The following DOCK7 variants were observed in gnomAD, a reference collection of about 807,000 sequenced individuals.
DOCK7 encodes the protein dedicator of cytokinesis 7.
In DOCK7, 138 loss-of-function variants were observed where a neutral mutation model predicts 271.0. The observed-to-expected ratio is 0.51, with a 90% CI of 0.44 to 0.59. DOCK7 has a LOEUF of 0.59. Ranked by LOEUF, DOCK7 falls within the 20% of genes least tolerant of loss-of-function variation. The pLI, the probability that DOCK7 is intolerant of heterozygous loss-of-function variation, is 0.00. For synonymous variants in DOCK7, 823 were observed against 876.1 expected (o/e 0.94, Z 1.07); for missense variants, 2,066 against 2,592.4 (o/e 0.80, Z 4.41).
At chr1:62,578,158 G>C (rs1646994236) in intron 17 of DOCK7, among the ~76,000 whole-genome samples, 1 of 151,598 alleles carries the variant, frequency 6.6e-6, no homozygotes, top group Non-Finnish European at 1.5e-5. Flanking sequence ...AATACTCAAG[G>C]GTTTTAATTT....
At chr1:62,495,503 T>A in intron 39 of DOCK7, 78 bp downstream of exon 39, 1 of 843,982 alleles carries the variant, frequency 1.2e-6, no homozygotes, top group Non-Finnish European at 1.7e-6. Flanking sequence ...TTTGTGTGTT[T>A]ATTTTTTTCA....
intron 22 of DOCK7, among the ~76,000 whole-genome samples, chr1:62,550,704 A>C (rs1384333376): frequency 3.4e-5 from 5 of 146,892 alleles, no homozygotes; most frequent in African/African-American, 1.2e-4. Flanking sequence ...CTGAGGTTTG[A>C]TTATAATGGG....
intron 21 of DOCK7, among the ~76,000 whole-genome samples, chr1:62,553,647 A>G (rs1337947974): frequency 1.3e-5 from 2 of 151,450 alleles, no homozygotes; most frequent in African/African-American, 4.9e-5. Flanking sequence ...AGCACTGGGA[A>G]ATGTTTTTTT....
chr1:62,666,981 T>A (rs557472715), intron 1 of DOCK7, among the ~76,000 whole-genome samples: 1 of 152,334 alleles, frequency 6.6e-6, no homozygotes, highest in Admixed American at 6.5e-5. Flanking sequence ...AAAGAAAGCA[T>A]CCGCTCAGGC....
chr1:62,522,251 T>C (rs1005391624), intron 31 of DOCK7, among the ~76,000 whole-genome samples: 1 of 151,880 alleles, frequency 6.6e-6, no homozygotes, highest in Admixed American at 6.6e-5. Context: ...CTGAAAAGAA[T>C]ATAAGAAAGA....
Position 62,625,415 on chromosome 1 carries a change from A to T in DOCK7, c.1283-14T>A, listed in dbSNP as rs200258912. The T allele has an allele frequency of 7.6e-5, 110 of 1,448,244 alleles. No individual in the cohort carries two copies. The highest frequency in any genetic ancestry group is 9.5e-5 in the Non-Finnish European group (102 of 1,070,964). 89.7% of individuals were successfully genotyped at this position (1,448,244 alleles called of 1,614,324 possible). On this transcript the variant is annotated splice_polypyrimidine_tract_variant and intron_variant, in intron 11 of 49. Transcript: ENST00000635253. ...ACCCTTTTCGTTCTACAAAAGAATT[A>T]AAAAAAAAATTCATTTTCATAGAAG...
At chr1:62,553,312 T>TTATACA (rs1553168302) in intron 21 of DOCK7, among the ~76,000 whole-genome samples, 6 of 20,584 alleles carry the variant, frequency 2.9e-4, no homozygotes, top group African/African-American at 8.0e-4. Context: ...AAAAAGTATT[T>TTATACA]TATATATATA....
chr1:62,664,648 A>G lies in DOCK7; in HGVS notation c.39-1518T>C, dbSNP rs138385943. ...CAATATTGGCTCATCAATTATAACAAATGTACCATACTAAAGCAAGATGCT... is the reference window on the plus strand; with the variant it reads ...CAATATTGGCTCATCAATTATAACAGATGTACCATACTAAAGCAAGATGCT... On this transcript the variant is annotated intron_variant, in intron 1 of 49. Transcript: ENST00000635253. 2.0e-5 allele frequency among the ~76,000 whole-genome samples: 3 copies of G among 152,328 alleles called. No homozygotes were observed. The East Asian group carries it at 5.8e-4, about 29-fold the overall frequency.
chr1:62,455,415 T>C lies in DOCK7; in HGVS notation c.6422A>G (p.Ter2141=), dbSNP rs1202463736. ...ATGAATAAAACAAGTGCATTCAGTT[T>C]AGAGATCCATTTTGCGAAGGCTCAT... ...SRMSLRKMDL[*] Residue 2141 remains the stop codon, a stop_retained_variant, in exon 50 of 50, where the codon TAA becomes TGA. Coordinates refer to ENST00000635253, the MANE Select transcript of DOCK7 (RefSeq NM_001367561.1). The C allele has an allele frequency of 6.2e-7, 1 of 1,613,616 alleles. No individual in the cohort carries two copies. The highest frequency in any genetic ancestry group is 1.7e-5 in the Admixed American group (1 of 60,028).
At chr1:62,629,903 C>T (rs1288877604) in intron 11 of DOCK7, among the ~76,000 whole-genome samples, 3 of 152,192 alleles carry the variant, frequency 2.0e-5, no homozygotes, top group Admixed American at 1.3e-4. Flanking sequence ...AATAAATGTG[C>T]ACTGTACATA....
chr1:62,512,790 G>A (rs909618897), intron 33 of DOCK7, among the ~76,000 whole-genome samples: 7 of 151,850 alleles, frequency 4.6e-5, no homozygotes, highest in African/African-American at 1.5e-4. Flanking sequence ...CAGCTACCAG[G>A]GTAGGTGTGT....
intron 14 of DOCK7, chr1:62,608,365 TCTC>T (rs569853427): frequency 1.1e-3 from 166 of 152,284 alleles, no homozygotes; most frequent in African/African-American, 3.6e-3. Flanking sequence ...CTTTTAAACA[TCTC>T]CTCTATGCCT....
chr1:62,521,111 G>T (rs550240584), intron 31 of DOCK7, among the ~76,000 whole-genome samples: 6 of 152,028 alleles, frequency 3.9e-5, no homozygotes, highest in Non-Finnish European at 5.9e-5. Context: ...AGGGGGTAGG[G>T]GGGTAGGGGA....
intron 8 of DOCK7, 185 bp from the exon 9 acceptor site, chr1:62,635,107 T>TA: frequency 2.5e-6 from 1 of 400,042 alleles, no homozygotes; most frequent in Non-Finnish European, 4.4e-6. Context: ...ATTTTCTTTT[T>TA]AAAAACATTC....
intron 14 of DOCK7, among the ~76,000 whole-genome samples, chr1:62,613,344 C>T (rs1376427762): frequency 4.6e-5 from 7 of 152,120 alleles, no homozygotes; most frequent in South Asian, 2.1e-4. Context: ...TCATCTACCC[C>T]TGTAGAGAAT....
intron 14 of DOCK7, among the ~76,000 whole-genome samples, chr1:62,615,978 G>A (rs544539658): frequency 1.3e-5 from 2 of 151,724 alleles, no homozygotes; most frequent in African/African-American, 4.8e-5. Context: ...ACCACTTCAA[G>A]TGAGAAAGCA....
At chr1:62,578,799 G>C (rs1347740708) in intron 17 of DOCK7, 29 bp downstream of exon 17, 1 of 1,406,218 alleles carries the variant, frequency 7.1e-7, no homozygotes, top group Non-Finnish European at 9.4e-7. Flanking sequence ...TTAGCTCTTT[G>C]ATCTAAATAT....
intron 1 of DOCK7, among the ~76,000 whole-genome samples, chr1:62,667,595 G>A (rs924784047): frequency 6.6e-6 from 1 of 152,164 alleles, no homozygotes; most frequent in African/African-American, 2.4e-5. Flanking sequence ...CGTGCCTGCA[G>A]TCCCAGCCAC....
In DOCK7 at chr1:62,648,292, T is replaced by G. The variant is rs1428365771; in HGVS notation, c.546A>C (p.Ser182=). The change falls in exon 6 of 50, where the codon TCA becomes TCC. Residue 182 remains serine, a synonymous_variant. Transcript: ENST00000635253. ...AGCTACCCCTTGGGGTATCATCTAT[T>G]GACATTGAACGTCTTTTAAGGTCAT... ...DQDDLKRRSM[S]IDDTPRGSWA... The G allele has an allele frequency of 1.2e-6, 2 of 1,612,910 alleles. No homozygotes were observed. The highest frequency in any genetic ancestry group is 3.3e-5 in the Admixed American group (2 of 60,012).
Sources: allele counts gnomAD v4.1 joint callset (sites outside exome capture counted in the v4.1 genomes callset), GRCh38; gene constraint gnomAD v4.1.1; transcripts MANE v1.5; gene names NCBI Gene and HGNC (gene_info 2026-07-23, HGNC 2026-07-21).